The following KCTD16 variants were observed in gnomAD, a reference collection of about 807,000 sequenced individuals.
KCTD16 encodes potassium channel tetramerization domain containing 16, also known as BTB/POZ domain-containing protein KCTD16.
KCTD16 carries 13 observed loss-of-function variants against 33.2 expected under a neutral mutation model. That is an observed-to-expected ratio of 0.39 (90% CI 0.25 to 0.62). KCTD16 has a LOEUF of 0.62. Ranked by LOEUF, KCTD16 falls within the 20% of genes least tolerant of loss-of-function variation. KCTD16 has a pLI of 0.50. For synonymous variants in KCTD16, 197 were observed against 195.3 expected (o/e 1.01, Z -0.07); for missense variants, 441 against 525.1 (o/e 0.84, Z 1.57).
intron 2 of KCTD16, among the ~76,000 whole-genome samples, chr5:144,200,325 A>G (rs932069354): frequency 6.6e-6 from 1 of 152,178 alleles, no homozygotes; most frequent in Admixed American, 6.5e-5. Context: ...TGTGAGAGAA[A>G]TGACTTGGCT....
intron 3 of KCTD16, among the ~76,000 whole-genome samples, chr5:144,300,012 G>A (rs545566421): frequency 4.0e-5 from 6 of 151,550 alleles, no homozygotes; most frequent in African/African-American, 9.7e-5. Context: ...CTTAGAAATC[G>A]ATACAGATTA....
intron 1 of KCTD16, among the ~76,000 whole-genome samples, chr5:144,172,512 GCTTT>G: frequency 6.6e-6 from 1 of 152,176 alleles, no homozygotes; most frequent in East Asian, 1.9e-4. Context: ...AGATTTTTGT[GCTTT>G]CTAACTATAT....
chr5:144,400,725 A>G (rs1269878955), intron 3 of KCTD16, among the ~76,000 whole-genome samples: 1 of 152,218 alleles, frequency 6.6e-6, no homozygotes, highest in African/African-American at 2.4e-5. Context: ...ATAAATATCA[A>G]GAAAATATTA....
At chr5:144,240,290 C>T (rs914385721) in intron 3 of KCTD16, among the ~76,000 whole-genome samples, 2 of 152,152 alleles carry the variant, frequency 1.3e-5, no homozygotes, top group Admixed American at 6.5e-5. Flanking sequence ...TGAAACCTCC[C>T]GATATCTCTT....
At chr5:144,467,134 G>A (rs921599615) in intron 3 of KCTD16, among the ~76,000 whole-genome samples, 8 of 142,214 alleles carry the variant, frequency 5.6e-5, no homozygotes, top group African/African-American at 7.9e-5. Flanking sequence ...TTACATATAC[G>A]TAAAACACTT....
chr5:144,392,827 C>T (rs140949478), intron 3 of KCTD16, among the ~76,000 whole-genome samples: 1 of 152,166 alleles, frequency 6.6e-6, no homozygotes, highest in African/African-American at 2.4e-5. Context: ...GAAACACATG[C>T]GCACGTGAAG....
At chr5:144,331,308 A>C (rs1470297272) in intron 3 of KCTD16, among the ~76,000 whole-genome samples, 2 of 152,188 alleles carry the variant, frequency 1.3e-5, no homozygotes, top group African/African-American at 4.8e-5. Context: ...ATCAGACCTC[A>C]AGGCACAGCA....
chr5:144,198,133 T>A (rs1752972762), intron 2 of KCTD16, among the ~76,000 whole-genome samples: 1 of 152,216 alleles, frequency 6.6e-6, no homozygotes, highest in Middle Eastern at 3.2e-3. Flanking sequence ...GAACTCAATG[T>A]CTGAGAAACA....
chr5:144,270,106 A>G (rs1320963210), intron 3 of KCTD16, among the ~76,000 whole-genome samples: 1 of 152,054 alleles, frequency 6.6e-6, no homozygotes, highest in Non-Finnish European at 1.5e-5. Context: ...TAGAAAATAA[A>G]TAGCAAAATG....
intron 3 of KCTD16, among the ~76,000 whole-genome samples, chr5:144,405,448 C>T (rs958190211): frequency 6.6e-6 from 1 of 152,194 alleles, no homozygotes; most frequent in African/African-American, 2.4e-5. Flanking sequence ...GCTGTCACAG[C>T]GTGCATCTCA....
intron 3 of KCTD16, among the ~76,000 whole-genome samples, chr5:144,251,163 G>A (rs944635158): frequency 3.3e-5 from 5 of 152,102 alleles, no homozygotes; most frequent in Non-Finnish European, 7.4e-5. Flanking sequence ...CAATTAAGGC[G>A]AAGCTTGAAG....
intron 2 of KCTD16, among the ~76,000 whole-genome samples, chr5:144,176,193 A>G (rs558524667): frequency 9.0e-4 from 137 of 152,162 alleles, no homozygotes; most frequent in African/African-American, 3.2e-3. Flanking sequence ...ATCTTATTTC[A>G]AATACTATGA....
chr5:144,344,442 C>T (rs539951427), intron 3 of KCTD16, among the ~76,000 whole-genome samples: 225 of 148,500 alleles, frequency 1.5e-3, no homozygotes, highest in African/African-American at 5.3e-3. Flanking sequence ...AGAAAATTTT[C>T]GCAACCTACT....
In KCTD16 at chr5:144,484,186, C is replaced by T. The variant is rs1017974401; in HGVS notation, c.*10072C>T. On this transcript the variant is annotated 3_prime_UTR_variant, in exon 4 of 4. Coordinates refer to ENST00000512467, the MANE Select transcript of KCTD16 (RefSeq NM_020768.4). Reference sequence around the variant, plus strand: ...ATGGGTGGCGGATGTCAAAATCTCTCATTAATTACCCTGTTTTTTTCTTTA... The same window carrying T: ...ATGGGTGGCGGATGTCAAAATCTCTTATTAATTACCCTGTTTTTTTCTTTA... The T allele has an allele frequency of 1.3e-5, 2 of 151,842 alleles. No individual in the cohort carries two copies. Among genetic ancestry groups the T allele is most frequent in the African/African-American group, 4.8e-5 (2 of 41,378 alleles). The allele number at this position is 151,842 out of a possible 1,614,324, so 9.4% of individuals were successfully genotyped here. A position where few individuals can be genotyped will look rare whatever the true frequency, so the allele number is the denominator to read the frequency against.
intron 3 of KCTD16, among the ~76,000 whole-genome samples, chr5:144,425,499 A>T (rs1753306629): frequency 6.6e-6 from 1 of 151,892 alleles, no homozygotes; most frequent in African/African-American, 2.4e-5. Context: ...TAGGGACTCT[A>T]TGCTGACTCT....
At chr5:144,176,027 C>T (rs948309921) in intron 2 of KCTD16, among the ~76,000 whole-genome samples, 1 of 152,080 alleles carries the variant, frequency 6.6e-6, no homozygotes, top group Non-Finnish European at 1.5e-5. Context: ...TTAAAATATG[C>T]TTTTTTATCT....
chr5:144,409,799 G>A (rs1485174353), intron 3 of KCTD16, among the ~76,000 whole-genome samples: 5 of 151,956 alleles, frequency 3.3e-5, no homozygotes, highest in Non-Finnish European at 7.4e-5. Context: ...CCTGGGCAAC[G>A]AGACCGAAAC....
At chr5:144,308,344 C>A (rs1414427004) in intron 3 of KCTD16, among the ~76,000 whole-genome samples, 1 of 152,194 alleles carries the variant, frequency 6.6e-6, no homozygotes, top group African/African-American at 2.4e-5. Flanking sequence ...GTCAGGTAAG[C>A]GCTCATTCTG....
At chr5:144,417,991 A>G (rs1369159953) in intron 3 of KCTD16, among the ~76,000 whole-genome samples, 1 of 151,980 alleles carries the variant, frequency 6.6e-6, no homozygotes, top group Admixed American at 6.6e-5. Context: ...AAGTGTCCAG[A>G]GTTTCTTCCT....
Sources: allele counts gnomAD v4.1 joint callset (sites outside exome capture counted in the v4.1 genomes callset), GRCh38; gene constraint gnomAD v4.1.1; transcripts MANE v1.5; gene names NCBI Gene and HGNC (gene_info 2026-07-23, HGNC 2026-07-21).